The following ZFP14 variants were observed in gnomAD, a reference collection of about 807,000 sequenced individuals.
ZFP14 encodes ZFP14 zinc finger protein.
In ZFP14, 22 loss-of-function variants were observed where a neutral mutation model predicts 54.5. That is an observed-to-expected ratio of 0.40 (90% CI 0.29 to 0.58). The LOEUF (loss-of-function observed/expected upper bound fraction) is 0.58. Ranked by LOEUF, ZFP14 falls within the 20% of genes least tolerant of loss-of-function variation. The pLI, the probability that ZFP14 is intolerant of heterozygous loss-of-function variation, is 0.39. For missense variants in ZFP14, 470 were observed against 637.8 expected (o/e 0.74, Z 2.83); for synonymous variants, 159 against 204.0 (o/e 0.78, Z 1.88).
rs939968680 is a variant in ZFP14 at position 36,335,541 on chromosome 19, T to C, written c.*4683A>G. On this transcript the variant is annotated 3_prime_UTR_variant, in exon 5 of 5. Coordinates refer to ENST00000270001, the MANE Select transcript of ZFP14 (RefSeq NM_020917.3). ...GATTATCTATTCCTTAAAGTTTTTA[T>C]AAGTATCAGATTTTTTAAACAGGGA... 1.3e-5 allele frequency: 2 copies of C among 151,908 alleles called. No homozygotes were observed. Among genetic ancestry groups the C allele is most frequent in the African/African-American group, 4.8e-5 (2 of 41,246 alleles). The allele number at this position is 151,908 out of a possible 1,614,324, so 9.4% of individuals were successfully genotyped here. A position where few individuals can be genotyped will look rare whatever the true frequency, so the allele number is the denominator to read the frequency against.
chr19:36,369,435 G>A (rs1357403731), intron 1 of ZFP14, among the ~76,000 whole-genome samples: 1 of 151,978 alleles, frequency 6.6e-6, no homozygotes, highest in Non-Finnish European at 1.5e-5. Flanking sequence ...TTTGCAGACA[G>A]AGCCTTGTTC....
chr19:36,352,272 G>C (rs992689380), intron 4 of ZFP14, among the ~76,000 whole-genome samples: 1 of 142,766 alleles, frequency 7.0e-6, no homozygotes, highest in Non-Finnish European at 1.6e-5. Flanking sequence ...AGTAAATAAT[G>C]TACTTGTTAT....
intron 4 of ZFP14, among the ~76,000 whole-genome samples, chr19:36,357,579 T>A (rs1568469679): frequency 6.6e-6 from 1 of 152,186 alleles, no homozygotes. Context: ...GCCTTTCTTC[T>A]CCCCATTGGA....
At chr19:36,343,118 A>T (rs986909113) in intron 4 of ZFP14, among the ~76,000 whole-genome samples, 8 of 152,202 alleles carry the variant, frequency 5.3e-5, no homozygotes, top group African/African-American at 1.9e-4. Flanking sequence ...GATTTGTTTA[A>T]ACTATGCAGA....
intron 4 of ZFP14, among the ~76,000 whole-genome samples, chr19:36,350,242 C>T (rs1319651642): frequency 7.0e-6 from 1 of 142,276 alleles, no homozygotes; most frequent in African/African-American, 2.6e-5. Context: ...GAGAAACAAA[C>T]ACTATCTGAA....
chr19:36,358,507 T>C (rs1024381311), intron 4 of ZFP14, among the ~76,000 whole-genome samples: 1 of 152,214 alleles, frequency 6.6e-6, no homozygotes, highest in African/African-American at 2.4e-5. Context: ...GGACTTTCTA[T>C]GTACACAATC....
At chr19:36,346,307 A>G (rs1042286079) in intron 4 of ZFP14, among the ~76,000 whole-genome samples, 1 of 152,138 alleles carries the variant, frequency 6.6e-6, no homozygotes, top group Non-Finnish European at 1.5e-5. Context: ...GGTTGTTTGG[A>G]AAACAAAAAC....
At chr19:36,360,320 G>A in intron 4 of ZFP14, 115 bp downstream of exon 4, 1 of 829,080 alleles carries the variant, frequency 1.2e-6, no homozygotes, top group South Asian at 2.9e-5. Flanking sequence ...TGCCTCCATA[G>A]GCCAGGGGCT....
chr19:36,364,897 A>G (rs2031767197), intron 2 of ZFP14, among the ~76,000 whole-genome samples: 2 of 151,706 alleles, frequency 1.3e-5, no homozygotes, highest in Admixed American at 6.6e-5. Context: ...CAGACATTCT[A>G]ACGATTAACC....
chr19:36,335,478 T>C lies in ZFP14; in HGVS notation c.*4746A>G, dbSNP rs1324879675. The stretch of plus-strand genomic sequence containing the variant: ...TATCTTCATCTAATTTTTATTAGGA[T>C]TATTTTACCTTGCAGAATTAATTGG... On this transcript the variant is annotated 3_prime_UTR_variant, in exon 5 of 5. Transcript: ENST00000270001. 1.3e-5 allele frequency: 2 copies of C among 152,166 alleles called. No homozygotes were observed. The highest frequency in any genetic ancestry group is 2.4e-5 in the African/African-American group (1 of 41,428). 9.4% of individuals were successfully genotyped at this position (152,166 alleles called of 1,614,324 possible).
At chr19:36,377,845 C>CA (rs2031987018) in intron 1 of ZFP14, among the ~76,000 whole-genome samples, 1 of 151,216 alleles carries the variant, frequency 6.6e-6, no homozygotes, top group Non-Finnish European at 1.5e-5. Flanking sequence ...GACTCCATCT[C>CA]AAAAAATACA....
At chr19:36,350,426 C>A (rs1162261752) in intron 4 of ZFP14, among the ~76,000 whole-genome samples, 2 of 139,550 alleles carry the variant, frequency 1.4e-5, no homozygotes, top group Admixed American at 7.5e-5. Flanking sequence ...CATAGGGAGA[C>A]CCCCATCTCT....
intron 1 of ZFP14, chr19:36,378,879 T>C (rs983857272): frequency 6.6e-6 from 1 of 152,260 alleles, no homozygotes; most frequent in Non-Finnish European, 1.5e-5. Context: ...GCAGTTTCCA[T>C]GGGAGGGAGC....
At position 36,376,971 on chromosome 19, in the gene ZFP14, G is replaced by A. The variant is rs79637567; in HGVS notation, c.-80+2192C>T. ...CACTGTACTAAACTGCATCTCATGA[G>A]ACCTGATAAATACGTGGCCTGAAAC... On this transcript the variant is annotated intron_variant, in intron 1 of 4. Transcript: ENST00000270001. Among the ~76,000 whole-genome samples, 330 of 152,216 alleles carry A rather than the reference G, an allele frequency of 2.2e-3. 2 individuals are homozygous for A. Among genetic ancestry groups the A allele is most frequent in the Middle Eastern group, 6.8e-3 (2 of 292 alleles).
chr19:36,345,029 G>A (rs1018887868), intron 4 of ZFP14, among the ~76,000 whole-genome samples: 3 of 152,184 alleles, frequency 2.0e-5, no homozygotes, highest in Non-Finnish European at 4.4e-5. Context: ...TTGGGAGGCC[G>A]AGGGGGCAGA....
At chr19:36,365,959 C>T (rs1243687011) in intron 2 of ZFP14, among the ~76,000 whole-genome samples, 2 of 136,928 alleles carry the variant, frequency 1.5e-5, no homozygotes, top group East Asian at 4.4e-4. Context: ...GACCTTCTGT[C>T]AAAAAAAAAA....
chr19:36,375,759 G>A (rs971141317), intron 1 of ZFP14, among the ~76,000 whole-genome samples: 9 of 151,974 alleles, frequency 5.9e-5, no homozygotes, highest in East Asian at 1.9e-4. Flanking sequence ...GGGTTTCACC[G>A]TGTTAGCCAG....
At position 36,337,694 on chromosome 19, in the gene ZFP14, T is replaced by A. The variant is rs1363162693; in HGVS notation, c.*2530A>T. 2 of 152,216 alleles carry A rather than the reference T, an allele frequency of 1.3e-5. No homozygotes were observed. Among genetic ancestry groups the A allele is most frequent in the Admixed American group, 1.3e-4 (2 of 15,274 alleles). 9.4% of individuals were successfully genotyped at this position (152,216 alleles called of 1,614,324 possible). A position where few individuals can be genotyped will look rare whatever the true frequency, so the allele number is the denominator to read the frequency against. On this transcript the variant is annotated 3_prime_UTR_variant, in exon 5 of 5. Coordinates refer to ENST00000270001, the MANE Select transcript of ZFP14 (RefSeq NM_020917.3). ...TAGTCCCTGTCTGCTTTCAGTTCAT[T>A]ATTCCAGCAATAAGGCTTTGTAGAT... is the stretch of plus-strand genomic sequence containing the variant.
At chr19:36,356,915 T>C (rs984760148) in intron 4 of ZFP14, among the ~76,000 whole-genome samples, 5 of 152,168 alleles carry the variant, frequency 3.3e-5, no homozygotes, top group African/African-American at 1.2e-4. Flanking sequence ...ATATACTAGA[T>C]ACTGGTCCCT....
Sources: gnomAD v4.1 joint callset for allele counts (sites outside exome capture counted in the v4.1 genomes callset) on GRCh38, gnomAD v4.1.1 for gene constraint, MANE v1.5 for transcripts, NCBI Gene and HGNC (gene_info 2026-07-23, HGNC 2026-07-21) for gene names.